Variants in MOK observed in about 807,000 individuals in gnomAD.
MOK encodes the protein MAPK/MAK/MRK overlapping kinase.
In MOK, 59 loss-of-function variants were observed where a neutral mutation model predicts 54.2. That is an observed-to-expected ratio of 1.09 (90% CI 0.88 to 1.35). The LOEUF is 1.35. Ranked by LOEUF, MOK falls within the 40% of genes most tolerant of loss-of-function variation. MOK has a pLI of 0.00. For missense variants in MOK, 517 were observed against 526.2 expected, an observed-to-expected ratio of 0.98 and a Z score of 0.17; for synonymous variants, 210 against 202.7, an observed-to-expected ratio of 1.04 and a Z score of -0.31.
chr14:102,272,416 G>T (rs1453708982), intron 2 of MOK, among the ~76,000 whole-genome samples: 3 of 151,828 alleles, frequency 2.0e-5, no homozygotes, highest in Admixed American at 1.3e-4. Flanking sequence ...GGCGGAGGTT[G>T]CAGTGAGCCG....
At chr14:102,256,674 T>TACACACGTGAGCCACTGC (rs1160162980) in intron 4 of MOK, among the ~76,000 whole-genome samples, 2 of 150,026 alleles carry the variant, frequency 1.3e-5, no homozygotes, top group Non-Finnish European at 2.9e-5. Context: ...GTGTTGGGAC[T>TACACACGTGAGCCACTGC]ACACACGTGA....
At chr14:102,299,612 G>T (rs2071925810) in intron 1 of MOK, among the ~76,000 whole-genome samples, 1 of 152,032 alleles carries the variant, frequency 6.6e-6, no homozygotes, top group Admixed American at 6.6e-5. Context: ...TTGAAACAGG[G>T]TCTTCCTTTG....
chr14:102,227,268 G>A (rs999502848), downstream of MOK, among the ~76,000 whole-genome samples: 5 of 152,220 alleles, frequency 3.3e-5, no homozygotes, highest in Admixed American at 1.3e-4. Context: ...GGGGGACAGG[G>A]CATGGCCCTC....
chr14:102,261,400 AAAAAAAAAAAAAAAAAAAATATAT>A (rs2067394216), intron 4 of MOK, among the ~76,000 whole-genome samples: 1 of 74,052 alleles, frequency 1.4e-5, no homozygotes. Flanking sequence ...AAAAAAAAAA[AAAAAAAAAAAAAAAAAAAATATAT>A]ATATATATAT....
intron 2 of MOK, chr14:102,277,311 A>C (rs77717558): frequency 0.15 from 22,107 of 152,060 alleles, 2,169 homozygotes; most frequent in South Asian, 0.3. Flanking sequence ...ATTGTAATGA[A>C]TGTTGCTCAG....
chr14:102,300,422 G>T (rs1012998981), intron 1 of MOK, among the ~76,000 whole-genome samples: 19 of 149,990 alleles, frequency 1.3e-4, no homozygotes, highest in African/African-American at 4.2e-4. Context: ...GGAGGCACAT[G>T]CCTGTGGTCC....
In MOK at chr14:102,249,600, T is replaced by G. The variant is rs1002626387; in HGVS notation, c.590+1212A>C. ...GGTGCATGCCTGTAATCCCAGCTAC[T>G]TGGGGGGCTGAGGCAGGAGAATCGC... On this transcript the variant is annotated intron_variant, in intron 7 of 11. Coordinates refer to ENST00000361847, the MANE Select transcript of MOK (RefSeq NM_014226.3). The surrounding 1 kb of genome is among the most constrained non-coding windows in gnomAD (Gnocchi z 5.3). Among the ~76,000 whole-genome samples, 1 of 152,096 alleles carries G rather than the reference T, an allele frequency of 6.6e-6. No individual in the cohort carries two copies.
chr14:102,285,151 C>A (rs1054427666), intron 1 of MOK, among the ~76,000 whole-genome samples: 12 of 150,812 alleles, frequency 8.0e-5, no homozygotes, highest in Non-Finnish European at 1.8e-4. Flanking sequence ...GGGTGTGGAA[C>A]TGACCAGAAG....
At chr14:102,222,496 A>T (rs536372546), downstream of MOK, among the ~76,000 whole-genome samples, 5 of 152,292 alleles carry the variant, frequency 3.3e-5, no homozygotes, top group African/African-American at 9.6e-5. The surrounding 1 kb of genome is among the most constrained non-coding windows in gnomAD (Gnocchi z 4.4). Context: ...CCCACGAGGC[A>T]CCTGCACCTT....
At chr14:102,251,036 C>A in intron 6 of MOK, 46 bp from the exon 7 acceptor site, 1 of 1,578,320 alleles carries the variant, frequency 6.3e-7, no homozygotes, top group Non-Finnish European at 8.7e-7. Context: ...CATTATGTGG[C>A]TATCATAATA....
intron 1 of MOK, among the ~76,000 whole-genome samples, chr14:102,301,607 C>T (rs997225303): frequency 6.6e-6 from 1 of 152,196 alleles, no homozygotes; most frequent in Non-Finnish European, 1.5e-5. Flanking sequence ...ACTTCTATAA[C>T]TCTGTCTCTG....
chr14:102,226,260 G>A (rs1055173117), downstream of MOK: 3 of 685,500 alleles, frequency 4.4e-6, no homozygotes, highest in Non-Finnish European at 8.0e-6. The surrounding 1 kb of genome is among the most constrained non-coding windows in gnomAD (Gnocchi z 4.8). Context: ...GGTCAGGAGG[G>A]TGAGGTGGGT....
At chr14:102,280,634 G>A (rs1162665498) in intron 2 of MOK, 3 of 152,216 alleles carry the variant, frequency 2.0e-5, no homozygotes, top group Non-Finnish European at 2.9e-5. Flanking sequence ...CTGCACATTT[G>A]CCATGTGTCC....
intron 7 of MOK, among the ~76,000 whole-genome samples, chr14:102,244,723 G>T (rs2065961961): frequency 6.6e-6 from 1 of 152,140 alleles, no homozygotes; most frequent in Non-Finnish European, 1.5e-5. Flanking sequence ...GGCCACCGTG[G>T]TCATTTCTTC....
chr14:102,215,125 C>A, the MOK span: 1 of 427,828 alleles, frequency 2.3e-6, no homozygotes. Flanking sequence ...ATAGAACAGC[C>A]AGCCACCGGA....
chr14:102,225,991 G>A (rs77031547), downstream of MOK: 837 of 352,938 alleles, frequency 2.4e-3, 8 homozygotes, highest in African/African-American at 0.016. Flanking sequence ...GGAAGAGGTC[G>A]GCCGTGCCAG....
Position 102,252,694 on chromosome 14 carries a change from T to C in MOK, c.284-699A>G, listed in dbSNP as rs114598903. On this transcript the variant is annotated intron_variant, in intron 4 of 11. Transcript: ENST00000361847. ...TATTTCAAGTTTTCTATGGAGTGAA[T>C]GCTCTTTAATCTTTGAATTGACCAT... Among the ~76,000 whole-genome samples the C allele has an allele frequency of 4.6e-3, 703 of 152,310 alleles. 6 individuals are homozygous for C. The highest frequency in any genetic ancestry group is 0.016 in the African/African-American group (654 of 41,560).
intron 2 of MOK, chr14:102,283,226 G>A: frequency 2.8e-6 from 1 of 355,448 alleles, no homozygotes. Flanking sequence ...CATACAGACT[G>A]TTTAAGGTGA....
chr14:102,280,690 C>T (rs1290029309), intron 2 of MOK: 1 of 152,234 alleles, frequency 6.6e-6, no homozygotes, highest in Admixed American at 6.5e-5. Context: ...TCGTCAAGCA[C>T]TATGACAAGG....
Sources: gnomAD v4.1 joint callset for allele counts (sites outside exome capture counted in the v4.1 genomes callset) on GRCh38, gnomAD v4.1.1 for gene constraint, Gnocchi (gnomAD v3.1) non-coding constraint, MANE v1.5 for transcripts, NCBI Gene and HGNC (gene_info 2026-07-23, HGNC 2026-07-21) for gene names.